ELP6: variants seen among roughly 807,000 people sequenced by gnomAD.
ELP6 encodes the protein elongator acetyltransferase complex subunit 6, also known as elongator complex protein 6.
ELP6 carries 23 observed loss-of-function variants against 28.1 expected under a neutral mutation model. That is an observed-to-expected ratio of 0.82 (90% CI 0.59 to 1.16). The LOEUF is 1.16. Ranked by LOEUF, ELP6 falls within the 50% of genes most tolerant of loss-of-function variation. The probability of loss-of-function intolerance (pLI) is 0.00; values close to 1 mark genes in which losing one functional copy is unlikely to be tolerated. For missense variants in ELP6, 313 were observed against 334.6 expected (o/e 0.94, Z 0.50); for synonymous variants, 132 against 135.8 (o/e 0.97, Z 0.19).
chr3:47,504,974 A>T (rs28517451), intron 3 of ELP6, among the ~76,000 whole-genome samples: 1 of 152,076 alleles, frequency 6.6e-6, no homozygotes, highest in Non-Finnish European at 1.5e-5. Flanking sequence ...AGACAAAAAA[A>T]CAAAAACCTA....
chr3:47,507,950 T>C (rs375579006), intron 3 of ELP6, among the ~76,000 whole-genome samples: 1 of 63,122 alleles, frequency 1.6e-5, no homozygotes, highest in African/African-American at 4.5e-5. Flanking sequence ...AAAGAAAAAG[T>C]AGCCAGTTTA....
intron 6 of ELP6, chr3:47,496,667 G>C (rs1708489709): frequency 7.3e-6 from 5 of 684,146 alleles, no homozygotes; most frequent in Non-Finnish European, 9.0e-6. Flanking sequence ...GGCAATTTTT[G>C]TATTTTTAGT....
chr3:47,504,713 TG>T, intron 3 of ELP6: 1 of 928,570 alleles, frequency 1.1e-6, no homozygotes, highest in Non-Finnish European at 1.3e-6. Context: ...CCCAGCTACT[TG>T]GGAGGCTGAG....
intron 3 of ELP6, among the ~76,000 whole-genome samples, chr3:47,508,463 G>A (rs1341973505): frequency 6.6e-6 from 1 of 152,108 alleles, no homozygotes; most frequent in Non-Finnish European, 1.5e-5. Flanking sequence ...TGATCCCAAA[G>A]TGTTAGGATT....
chr3:47,506,170 T>A (rs1332714874), intron 3 of ELP6, among the ~76,000 whole-genome samples: 1 of 151,892 alleles, frequency 6.6e-6, no homozygotes, highest in Non-Finnish European at 1.5e-5. Context: ...GGGGACGGAG[T>A]GTGCGAATAG....
chr3:47,508,822 T>C (rs1188846018), intron 3 of ELP6, among the ~76,000 whole-genome samples: 1 of 149,522 alleles, frequency 6.7e-6, no homozygotes, highest in Non-Finnish European at 1.5e-5. Context: ...TGGAGTGCAG[T>C]GGCGTGATCT....
Position 47,504,338 on chromosome 3 carries a change from C to G in ELP6, c.315G>C (p.Gln105His), listed in dbSNP as rs1708761258. The G allele has an allele frequency of 6.2e-7, 1 of 1,606,400 alleles. No homozygotes were observed. The highest frequency in any genetic ancestry group is 1.3e-5 in the African/African-American group (1 of 74,788). Reference protein sequence around the residue: ...FQAQKEPHPLQFLREANAGNL... With the variant: ...FQAQKEPHPLHFLREANAGNL... ...GCTGTAGGCTGACTGACCTGAGAAA[C>G]TGCAGGGGGTGTGGCTCCTTTTGAG... is the stretch of plus-strand genomic sequence containing the variant. Residue 105 changes from glutamine (Q) to histidine (H), a missense_variant, in exon 4 of 7, where the codon CAG becomes CAC. Transcript: ENST00000296149.
intron 1 of ELP6, chr3:47,512,745 A>C: frequency 2.1e-6 from 2 of 964,272 alleles, no homozygotes; most frequent in Non-Finnish European, 2.5e-6. Context: ...ATTAGAGATC[A>C]CAAGGAGGAA....
chr3:47,503,668 C>T (rs772188563), intron 4 of ELP6, among the ~76,000 whole-genome samples: 2 of 151,956 alleles, frequency 1.3e-5, no homozygotes, highest in Non-Finnish European at 2.9e-5. Flanking sequence ...TTTGGGAGGC[C>T]GAGGCGGGCG....
chr3:47,504,624 C>T, intron 3 of ELP6, 176 bp from the exon 4 acceptor site: 1 of 985,374 alleles, frequency 1.0e-6, no homozygotes, highest in Non-Finnish European at 1.2e-6. Flanking sequence ...AATGCCCCAA[C>T]TGTTTTCAGA....
chr3:47,503,436 T>C (rs1708727413), intron 4 of ELP6: 1 of 1,289,606 alleles, frequency 7.8e-7, no homozygotes, highest in Non-Finnish European at 1.0e-6. Context: ...GGGGAAAAAT[T>C]TTTTCTTAAA....
At chr3:47,503,329 C>T (rs866788331) in intron 4 of ELP6, 20 of 1,288,894 alleles carry the variant, frequency 1.6e-5, no homozygotes, top group South Asian at 3.7e-5. Context: ...AGCAGCCAAG[C>T]GGGGAGTCTT....
intron 4 of ELP6, chr3:47,503,474 G>A: frequency 1.6e-6 from 2 of 1,278,738 alleles, no homozygotes; most frequent in Non-Finnish European, 2.0e-6. Context: ...TTTTAGGCTT[G>A]CAGGTCATAT....
At chr3:47,513,091 A>T in intron 1 of ELP6, 4 of 897,476 alleles carry the variant, frequency 4.5e-6, no homozygotes, top group Non-Finnish European at 5.3e-6. Flanking sequence ...CCCGGGTTCA[A>T]GCAATTCTCC....
chr3:47,511,136 T>G lies in ELP6; in HGVS notation c.133+12A>C. The G allele has an allele frequency of 5.0e-6, 8 of 1,610,390 alleles. No homozygotes were observed. Among genetic ancestry groups the G allele is most frequent in the South Asian group, 1.1e-5 (1 of 90,664 alleles). On this transcript the variant is annotated intron_variant, in intron 2 of 6. Transcript: ENST00000296149. ...TTGGGTTTCTTTTCTACAGCATCAA[T>G]GAGTCCCATACCTTTGAGATAGAAG...
intron 1 of ELP6, chr3:47,512,548 C>T: frequency 1.0e-6 from 1 of 958,046 alleles, no homozygotes; most frequent in Non-Finnish European, 1.2e-6. Context: ...GAGACTCCAT[C>T]AAAAATAAAT....
At chr3:47,511,823 A>T in intron 1 of ELP6, 1 of 985,952 alleles carries the variant, frequency 1.0e-6, no homozygotes, top group Non-Finnish European at 1.2e-6. Context: ...GTCCTGCTCC[A>T]TTCACCTCTA....
chr3:47,496,577 C>A (rs1446767058), intron 6 of ELP6: 14 of 770,580 alleles, frequency 1.8e-5, no homozygotes, highest in Non-Finnish European at 2.0e-5. Context: ...CTTACTGCAA[C>A]CTCTGCCTCC....
chr3:47,501,590 G>T, intron 5 of ELP6, 60 bp downstream of exon 5: 1 of 1,527,038 alleles, frequency 6.5e-7, no homozygotes, highest in Non-Finnish European at 9.1e-7. Flanking sequence ...AGTGAGGTCT[G>T]GACCTGTCTG....
Sources: allele counts gnomAD v4.1 joint callset (sites outside exome capture counted in the v4.1 genomes callset), GRCh38; gene constraint gnomAD v4.1.1; transcripts MANE v1.5; gene names NCBI Gene and HGNC (gene_info 2026-07-23, HGNC 2026-07-21).